The following GUCY1A2 variants were observed in gnomAD, a reference collection of about 807,000 sequenced individuals.
The protein encoded by GUCY1A2 is guanylate cyclase soluble subunit alpha-2.
A neutral mutation model predicts 63.5 loss-of-function variants in GUCY1A2; 27 were observed. The ratio of observed to expected loss-of-function variants is 0.43; its 90% CI spans 0.31 to 0.59. GUCY1A2 has a LOEUF of 0.59. Among genes scored for constraint, GUCY1A2 ranks in the 20% least tolerant of loss-of-function variants. GUCY1A2 has a pLI of 0.11. For missense variants in GUCY1A2, 768 were observed against 913.3 expected, an observed-to-expected ratio of 0.84 and a Z score of 2.05; for synonymous variants, 364 against 343.5, an observed-to-expected ratio of 1.06 and a Z score of -0.66.
intron 5 of GUCY1A2, among the ~76,000 whole-genome samples, chr11:106,801,217 G>T (rs191697260): frequency 6.6e-6 from 1 of 152,214 alleles, no homozygotes; most frequent in African/African-American, 2.4e-5. Flanking sequence ...AATTCAAATT[G>T]CAATTTACAA....
chr11:106,774,890 C>G (rs1018893896), intron 6 of GUCY1A2, among the ~76,000 whole-genome samples: 1 of 152,152 alleles, frequency 6.6e-6, no homozygotes, highest in African/African-American at 2.4e-5. Context: ...TAGAAGTTCT[C>G]TGATTCTTTC....
chr11:106,827,196 A>G (rs1858983323), intron 4 of GUCY1A2: 1 of 1,513,416 alleles, frequency 6.6e-7, no homozygotes, highest in Non-Finnish European at 9.2e-7. Context: ...GTCCCAACGC[A>G]CTGCCTACAT....
chr11:106,850,490 G>A (rs1318946292), intron 4 of GUCY1A2, among the ~76,000 whole-genome samples: 1 of 151,504 alleles, frequency 6.6e-6, no homozygotes, highest in African/African-American at 2.4e-5. Flanking sequence ...AACTAACCTC[G>A]TCCCATCTTT....
intron 5 of GUCY1A2, among the ~76,000 whole-genome samples, chr11:106,807,285 T>C (rs1271924171): frequency 6.6e-6 from 1 of 152,234 alleles, no homozygotes; most frequent in Non-Finnish European, 1.5e-5. Flanking sequence ...AAATAGTTCA[T>C]GGTTTAAAAT....
intron 4 of GUCY1A2, among the ~76,000 whole-genome samples, chr11:106,831,272 T>C (rs1859046853): frequency 6.6e-6 from 1 of 152,320 alleles, no homozygotes. Flanking sequence ...TAATCAGAAT[T>C]TGTCTTTCTA....
Position 106,716,530 on chromosome 11 carries a change from G to A in GUCY1A2, c.1837-7864C>T, listed in dbSNP as rs571456923. On this transcript the variant is annotated intron_variant, in intron 6 of 7. Coordinates refer to ENST00000526355, the MANE Select transcript of GUCY1A2 (RefSeq NM_000855.3). The stretch of plus-strand genomic sequence containing the variant: ...TTCGCTTTCTCCCGTTCTCAGCTCC[G>A]CAGGTTTGGTGGGACTGACGCCACC... 5.9e-5 allele frequency among the ~76,000 whole-genome samples: 9 copies of A among 152,052 alleles called. No individual in the cohort carries two copies. In the South Asian group the frequency reaches 1.0e-3, roughly 18 times the overall value.
rs866575753 is a variant in GUCY1A2 at position 106,684,888 on chromosome 11, T to A, written c.*2661A>T. ...GAAATAACAAATGCCACCACATTGTTACAATCACAATTCCTAAGAGAAGAG... is the reference window on the plus strand; with the variant it reads ...GAAATAACAAATGCCACCACATTGTAACAATCACAATTCCTAAGAGAAGAG... On this transcript the variant is annotated 3_prime_UTR_variant, in exon 8 of 8. Coordinates refer to ENST00000526355, the MANE Select transcript of GUCY1A2 (RefSeq NM_000855.3). 34 of 207,504 alleles carry A rather than the reference T, an allele frequency of 1.6e-4. No individual in the cohort carries two copies. The highest frequency in any genetic ancestry group is 7.5e-4 in the African/African-American group (33 of 44,034). The allele number at this position is 207,504 out of a possible 1,614,324, so 12.9% of individuals were successfully genotyped here. A position where few individuals can be genotyped will look rare whatever the true frequency, so the allele number is the denominator to read the frequency against.
intron 3 of GUCY1A2, among the ~76,000 whole-genome samples, chr11:106,958,571 T>A (rs573406109): frequency 4.6e-5 from 7 of 151,318 alleles, no homozygotes; most frequent in Non-Finnish European, 7.4e-5. Context: ...AAGAAGTAAT[T>A]CCAAGTGCAT....
intron 4 of GUCY1A2, among the ~76,000 whole-genome samples, chr11:106,811,097 T>G (rs11211921): frequency 0.17 from 26,599 of 152,000 alleles, 2,617 homozygotes; most frequent in East Asian, 0.28. Context: ...ACTAGCATGT[T>G]CATATAAGCT....
Position 107,016,634 on chromosome 11 carries a change from A to C in GUCY1A2, c.303+1119T>G, listed in dbSNP as rs115527106. 8.9e-3 allele frequency among the ~76,000 whole-genome samples: 1,359 copies of C among 152,376 alleles called. 27 individuals carry two copies. The highest frequency in any genetic ancestry group is 0.031 in the African/African-American group (1,276 of 41,586). On this transcript the variant is annotated intron_variant, in intron 1 of 7. Transcript: ENST00000526355. ...ATTTAGGAAGGGCCTAATATAAAGA[A>C]GCCACCAAAAAATGAGAGAGAAAGC...
chr11:106,689,713 G>T (rs185998565), intron 7 of GUCY1A2, among the ~76,000 whole-genome samples: 1 of 152,080 alleles, frequency 6.6e-6, no homozygotes, highest in African/African-American at 2.4e-5. Flanking sequence ...GCCAAGGGCC[G>T]GGCACGGTGG....
intron 4 of GUCY1A2, among the ~76,000 whole-genome samples, chr11:106,874,017 T>C (rs1304589891): frequency 2.0e-5 from 3 of 152,190 alleles, no homozygotes; most frequent in Non-Finnish European, 2.9e-5. Flanking sequence ...ACCTCTGATA[T>C]ATAAATCAAT....
intron 5 of GUCY1A2, among the ~76,000 whole-genome samples, chr11:106,792,844 A>G (rs546746160): frequency 3.0e-4 from 46 of 152,358 alleles, no homozygotes; most frequent in Admixed American, 1.4e-3. Context: ...AATGATGTGT[A>G]CATTGAAAAC....
At chr11:106,726,228 G>A (rs953182992) in intron 6 of GUCY1A2, among the ~76,000 whole-genome samples, 3 of 151,904 alleles carry the variant, frequency 2.0e-5, no homozygotes, top group Non-Finnish European at 4.4e-5. Context: ...CAGCCTGACC[G>A]ACATGGTAAA....
intron 4 of GUCY1A2, among the ~76,000 whole-genome samples, chr11:106,928,353 C>T (rs1003233649): frequency 6.6e-6 from 1 of 152,148 alleles, no homozygotes; most frequent in African/African-American, 2.4e-5. Context: ...CCAACAACAA[C>T]TTCACAGATG....
At chr11:106,936,387 T>A (rs1016888360) in intron 4 of GUCY1A2, among the ~76,000 whole-genome samples, 15 of 152,136 alleles carry the variant, frequency 9.9e-5, no homozygotes, top group African/African-American at 3.6e-4. Flanking sequence ...TCAGTCTTTA[T>A]TCTCTACACT....
chr11:106,877,850 T>A (rs1859771213), intron 4 of GUCY1A2, among the ~76,000 whole-genome samples: 1 of 151,938 alleles, frequency 6.6e-6, no homozygotes, highest in South Asian at 2.1e-4. Context: ...AACTACAGAA[T>A]GAGAGAAAAT....
At chr11:106,785,876 C>CTT (rs5794497) in intron 5 of GUCY1A2, among the ~76,000 whole-genome samples, 43,189 of 147,936 alleles carry the variant, frequency 0.29, 6,652 homozygotes, top group African/African-American at 0.4. Context: ...CGATATCCAC[C>CTT]TTTTTTTTTT....
intron 4 of GUCY1A2, among the ~76,000 whole-genome samples, chr11:106,829,887 G>C (rs754084290): frequency 6.6e-6 from 1 of 152,162 alleles, no homozygotes. Flanking sequence ...AAATAGCCCA[G>C]ATCCTTCAGG....
Sources: allele counts gnomAD v4.1 joint callset (sites outside exome capture counted in the v4.1 genomes callset), GRCh38; gene constraint gnomAD v4.1.1; transcripts MANE v1.5; gene names NCBI Gene and HGNC (gene_info 2026-07-23, HGNC 2026-07-21).